KIF26B: variants seen among roughly 807,000 people sequenced by gnomAD.
KIF26B encodes the protein kinesin family member 26B, also known as kinesin-like protein KIF26B.
A neutral mutation model predicts 151.2 loss-of-function variants in KIF26B; 63 were observed. The observed-to-expected ratio is 0.42, with a 90% CI of 0.34 to 0.51. The LOEUF (loss-of-function observed/expected upper bound fraction) is 0.51, where lower values mean the gene tolerates loss of function less well. Ranked by LOEUF, KIF26B falls within the 20% of genes least tolerant of loss-of-function variation. The pLI is 0.07. For synonymous variants in KIF26B, 1,357 were observed against 1,262.1 expected, an observed-to-expected ratio of 1.08 and a Z score of -1.59; for missense variants, 2,813 against 2,913.6, an observed-to-expected ratio of 0.97 and a Z score of 0.79.
At chr1:245,662,937 C>G (rs1264031543) in intron 10 of KIF26B, among the ~76,000 whole-genome samples, 2 of 149,888 alleles carry the variant, frequency 1.3e-5, no homozygotes, top group South Asian at 4.2e-4. Context: ...CTCCAGAGAG[C>G]TCTTGCTTGC....
At chr1:245,382,698 A>G (rs1673440512) in intron 3 of KIF26B, among the ~76,000 whole-genome samples, 1 of 151,872 alleles carries the variant, frequency 6.6e-6, no homozygotes, top group Admixed American at 6.6e-5. Context: ...CCTCCCGAGT[A>G]GCTGAGATTA....
intron 2 of KIF26B, among the ~76,000 whole-genome samples, chr1:245,291,803 G>A (rs1239070785): frequency 2.0e-5 from 3 of 152,162 alleles, no homozygotes; most frequent in African/African-American, 7.2e-5. Context: ...AGGAGGTGGC[G>A]GTGACAGTGT....
chr1:245,197,533 C>T (rs1464224701), intron 2 of KIF26B, among the ~76,000 whole-genome samples: 4 of 152,066 alleles, frequency 2.6e-5, no homozygotes, highest in Non-Finnish European at 5.9e-5. Flanking sequence ...TCAGAAGTCT[C>T]ATGGCTAACG....
rs562180282 is a variant in KIF26B, at chr1:245,236,644, C to T, written c.465+79961C>T. Reference sequence around the variant, plus strand: ...CTTGAAGCAAATTTTATAATGCATGCGACTTGATTTTTCCTTGTCCTTTCC... The same window carrying T: ...CTTGAAGCAAATTTTATAATGCATGTGACTTGATTTTTCCTTGTCCTTTCC... On this transcript the variant is annotated intron_variant, in intron 2 of 14. Coordinates refer to ENST00000407071, the MANE Select transcript of KIF26B (RefSeq NM_018012.4). Among the ~76,000 whole-genome samples the T allele has an allele frequency of 7.0e-4, 106 of 152,192 alleles. No homozygotes were observed. The South Asian group carries it at 0.011, about 16-fold the overall frequency.
At chr1:245,214,357 A>G (rs189432494) in intron 2 of KIF26B, among the ~76,000 whole-genome samples, 6 of 152,346 alleles carry the variant, frequency 3.9e-5, no homozygotes, top group African/African-American at 1.2e-4. Flanking sequence ...CCTGGGCAAC[A>G]CTGTGAGATC....
intron 2 of KIF26B, among the ~76,000 whole-genome samples, chr1:245,164,523 C>T (rs780547109): frequency 5.3e-4 from 81 of 152,180 alleles, no homozygotes; most frequent in Non-Finnish European, 8.7e-4. Flanking sequence ...AGGAACGTGG[C>T]GAAGCGTAAG....
chr1:245,464,373 G>T (rs1199564065), intron 4 of KIF26B, among the ~76,000 whole-genome samples: 2 of 151,792 alleles, frequency 1.3e-5, no homozygotes, highest in East Asian at 3.9e-4. Flanking sequence ...GCGTGTGTGG[G>T]TGTGTGTAGG....
At chr1:245,178,125 T>C (rs1413467880) in intron 2 of KIF26B, among the ~76,000 whole-genome samples, 1 of 152,196 alleles carries the variant, frequency 6.6e-6, no homozygotes, top group Non-Finnish European at 1.5e-5. Flanking sequence ...GTCACTGCTT[T>C]GTTACAGGAG....
chr1:245,676,564 G>C (rs1341884943), intron 10 of KIF26B: 1 of 152,230 alleles, frequency 6.6e-6, no homozygotes, highest in African/African-American at 2.4e-5. Context: ...TCTTTCTCCA[G>C]AAGTAGGTTG....
rs200347978 is a variant in KIF26B, at chr1:245,687,188, G to T, written c.4205G>T (p.Arg1402Leu). 6.2e-7 allele frequency: 1 copy of T among 1,612,720 alleles called. No individual in the cohort carries two copies. The highest frequency in any genetic ancestry group is 2.2e-5 in the East Asian group (1 of 44,838). ...TVYPCIAMSP[R>L]NIQEPEAPTA... ...TACCCCTGCATTGCCATGAGCCCCC[G>T]GAACATCCAAGAGCCGGAGGCCCCC... Residue 1402 changes from arginine (R) to leucine (L), a missense_variant, in exon 12 of 15, where the codon CGG becomes CTG. Transcript: ENST00000407071. This position sits in a 1 kb window ranked among gnomAD's most constrained non-coding sequence, Gnocchi z 4.9.
intron 2 of KIF26B, among the ~76,000 whole-genome samples, chr1:245,253,153 G>A (rs976788496): frequency 2.6e-5 from 4 of 151,720 alleles, no homozygotes; most frequent in Admixed American, 2.0e-4. Context: ...GGGACTACAG[G>A]CGCCCACCAC....
At position 245,696,775 on chromosome 1, in the gene KIF26B, A is replaced by T. The variant is rs563534870; in HGVS notation, c.5825-1331A>T. 4.6e-5 allele frequency among the ~76,000 whole-genome samples: 7 copies of T among 152,188 alleles called. No individual in the cohort carries two copies. The South Asian group carries it at 1.4e-3, about 31-fold the overall frequency. On this transcript the variant is annotated intron_variant, in intron 12 of 14. Transcript: ENST00000407071. ...TGCACTTTGTTGGAAACTAAATGCG[A>T]TTGTGTATGTGTCTACACAAGATCA...
chr1:245,591,255 A>G (rs1187404039), intron 5 of KIF26B, among the ~76,000 whole-genome samples: 2 of 152,250 alleles, frequency 1.3e-5, no homozygotes, highest in African/African-American at 4.8e-5. Flanking sequence ...TCCTGGTCAC[A>G]CAGCGACCAA....
intron 9 of KIF26B, among the ~76,000 whole-genome samples, chr1:245,643,026 T>G (rs2043910158): frequency 6.6e-6 from 1 of 152,216 alleles, no homozygotes; most frequent in African/African-American, 2.4e-5. Context: ...CAGTCTCTTT[T>G]GTCTAATATT....
chr1:245,349,512 C>G (rs1252680390), intron 2 of KIF26B, among the ~76,000 whole-genome samples: 1 of 142,206 alleles, frequency 7.0e-6, no homozygotes, highest in Non-Finnish European at 1.5e-5. Context: ...CTATGAAACA[C>G]ACAGTACTCA....
At chr1:245,443,788 A>G (rs555965187) in intron 4 of KIF26B, among the ~76,000 whole-genome samples, 89 of 84,674 alleles carry the variant, frequency 1.1e-3, no homozygotes, top group African/African-American at 3.7e-3. Context: ...CCCTGCGGTC[A>G]TCTCCCTCAC....
At position 245,501,504 on chromosome 1, in the gene KIF26B, GAATA is replaced by G. The variant is rs913168576; in HGVS notation, c.1167-39258_1167-39255del. On this transcript the variant is annotated intron_variant, in intron 4 of 14. Transcript: ENST00000407071. ...GTCATCTGTTCTTAAGAAGCCAGTG[GAATA>G]AATATCTTCTTTCTCCTACATTTAC... Among the ~76,000 whole-genome samples the G allele has an allele frequency of 2.0e-4, 30 of 152,150 alleles. 1 individual carries two copies. The highest frequency in any genetic ancestry group is 7.2e-4 in the African/African-American group (30 of 41,436).
chr1:245,345,935 C>T (rs57523512), intron 2 of KIF26B, among the ~76,000 whole-genome samples: 17,507 of 123,106 alleles, frequency 0.14, 2,197 homozygotes, highest in African/African-American at 0.42. Context: ...TTCTTTCTTT[C>T]TTTTTTTTTT....
At chr1:245,353,247 TC>T (rs1672609978) in intron 2 of KIF26B, among the ~76,000 whole-genome samples, 1 of 152,144 alleles carries the variant, frequency 6.6e-6, no homozygotes, top group South Asian at 2.1e-4. Flanking sequence ...TCACCCCCTC[TC>T]CCTCTTTCAC....
Sources: gnomAD v4.1 joint callset for allele counts (sites outside exome capture counted in the v4.1 genomes callset) on GRCh38, gnomAD v4.1.1 for gene constraint, Gnocchi (gnomAD v3.1) non-coding constraint, MANE v1.5 for transcripts, NCBI Gene and HGNC (gene_info 2026-07-23, HGNC 2026-07-21) for gene names.